Variants in KCNIP4 observed in about 807,000 individuals in gnomAD.
KCNIP4 encodes the protein Kv channel-interacting protein 4.
A neutral mutation model predicts 34.0 loss-of-function variants in KCNIP4; 12 were observed. That is an observed-to-expected ratio of 0.35 (90% CI 0.23 to 0.57). The LOEUF (loss-of-function observed/expected upper bound fraction) is 0.57, where lower values mean the gene tolerates loss of function less well. Ranked by LOEUF, KCNIP4 falls within the 20% of genes least tolerant of loss-of-function variation. The pLI, the probability that KCNIP4 is intolerant of heterozygous loss-of-function variation, is 0.83. For synonymous variants in KCNIP4, 124 were observed against 102.2 expected, an observed-to-expected ratio of 1.21 and a Z score of -1.29; for missense variants, 238 against 311.7, an observed-to-expected ratio of 0.76 and a Z score of 1.78.
chr4:21,434,890 A>G (rs1226892985), intron 1 of KCNIP4, among the ~76,000 whole-genome samples: 1 of 152,060 alleles, frequency 6.6e-6, no homozygotes, highest in African/African-American at 2.4e-5. Context: ...GGTGTTCTAG[A>G]TAAGTTACTG....
At chr4:21,299,726 A>T (rs28735547) in intron 1 of KCNIP4, among the ~76,000 whole-genome samples, 25,932 of 152,082 alleles carry the variant, frequency 0.17, 3,205 homozygotes, top group African/African-American at 0.34. Flanking sequence ...TTATTAAGCA[A>T]CATGGTCTGA....
At chr4:21,328,972 G>A (rs2109319013) in intron 1 of KCNIP4, among the ~76,000 whole-genome samples, 1 of 152,340 alleles carries the variant, frequency 6.6e-6, no homozygotes, top group African/African-American at 2.4e-5. Context: ...TCAGGGCAGT[G>A]GGCTCTAGCC....
chr4:21,116,782 A>G (rs1749712033), intron 1 of KCNIP4, among the ~76,000 whole-genome samples: 2 of 152,200 alleles, frequency 1.3e-5, no homozygotes, highest in African/African-American at 2.4e-5. Flanking sequence ...GAAACCAACA[A>G]TCGATGCCTT....
chr4:21,404,502 A>AT (rs1723808824), intron 1 of KCNIP4, among the ~76,000 whole-genome samples: 1 of 151,976 alleles, frequency 6.6e-6, no homozygotes, highest in Non-Finnish European at 1.5e-5. Context: ...GATTTTGAGT[A>AT]TTTTTTCTAT....
At chr4:21,857,613 T>C (rs1204287565) in intron 1 of KCNIP4, among the ~76,000 whole-genome samples, 3 of 152,060 alleles carry the variant, frequency 2.0e-5, no homozygotes, top group African/African-American at 7.2e-5. Context: ...CAGGACACCC[T>C]GCCTGAGGAA....
chr4:21,541,870 TGGG>T (rs1737727571), intron 1 of KCNIP4, among the ~76,000 whole-genome samples: 2 of 152,028 alleles, frequency 1.3e-5, no homozygotes, highest in Non-Finnish European at 2.9e-5. Flanking sequence ...CTTCAACTCC[TGGG>T]CTCAAGCAAT....
chr4:21,377,136 T>G (rs995484523), intron 1 of KCNIP4, among the ~76,000 whole-genome samples: 4 of 152,226 alleles, frequency 2.6e-5, no homozygotes, highest in African/African-American at 4.8e-5. Flanking sequence ...CAGAACTCGC[T>G]TAAGTAAGCT....
chr4:21,661,680 C>T (rs1395087016), intron 1 of KCNIP4, among the ~76,000 whole-genome samples: 1 of 152,124 alleles, frequency 6.6e-6, no homozygotes, highest in Non-Finnish European at 1.5e-5. Flanking sequence ...GACACTCATC[C>T]GATAGAAGAT....
chr4:21,690,477 G>A (rs1473766508), intron 1 of KCNIP4, among the ~76,000 whole-genome samples: 2 of 152,138 alleles, frequency 1.3e-5, no homozygotes, highest in Non-Finnish European at 2.9e-5. Flanking sequence ...GTTACTGACA[G>A]ATCTGATTGT....
chr4:20,960,021 ATAGAG>A (rs1733693995), intron 1 of KCNIP4, among the ~76,000 whole-genome samples: 1 of 152,204 alleles, frequency 6.6e-6, no homozygotes, highest in African/African-American at 2.4e-5. Flanking sequence ...AATATCAGGC[ATAGAG>A]TAGACAGACT....
chr4:21,655,826 G>T (rs918933938), intron 1 of KCNIP4, among the ~76,000 whole-genome samples: 12 of 152,082 alleles, frequency 7.9e-5, no homozygotes, highest in African/African-American at 2.9e-4. Context: ...ATAAATTTTT[G>T]CCCCAAATGT....
intron 3 of KCNIP4, among the ~76,000 whole-genome samples, chr4:20,839,321 T>C (rs760746940): frequency 2.6e-5 from 4 of 152,008 alleles, no homozygotes; most frequent in African/African-American, 7.2e-5. Context: ...TATAGAGATA[T>C]AGATCTATAG....
At chr4:21,148,754 A>T (rs1752562565) in intron 1 of KCNIP4, among the ~76,000 whole-genome samples, 1 of 152,040 alleles carries the variant, frequency 6.6e-6, no homozygotes, top group African/African-American at 2.4e-5. Context: ...CACAGCAAAT[A>T]ACAATTTATC....
chr4:20,899,922 T>G (rs1193528682), intron 1 of KCNIP4, among the ~76,000 whole-genome samples: 1 of 152,318 alleles, frequency 6.6e-6, no homozygotes, highest in African/African-American at 2.4e-5. Context: ...TGGAACTAAA[T>G]TTTTAATCCT....
chr4:21,563,001 CT>C (rs1328006318), intron 1 of KCNIP4, among the ~76,000 whole-genome samples: 1 of 151,928 alleles, frequency 6.6e-6, no homozygotes, highest in Non-Finnish European at 1.5e-5. Context: ...ATTGTAATTT[CT>C]CATTAATGTC....
chr4:21,485,325 A>G lies in KCNIP4; in HGVS notation c.61+463246T>C, dbSNP rs1203912980. Among the ~76,000 whole-genome samples, 5 of 152,286 alleles carry G rather than the reference A, an allele frequency of 3.3e-5. No individual in the cohort carries two copies. In the East Asian group the frequency reaches 9.6e-4, roughly 29 times the overall value. ...ATTACTACTCACTGCCTAATGTCCA[A>G]AATTCTTAACATGTCCTAGAATGGT... On this transcript the variant is annotated intron_variant, in intron 1 of 8. Transcript: ENST00000382152.
intron 1 of KCNIP4, among the ~76,000 whole-genome samples, chr4:21,306,980 AC>A (rs941573615): frequency 1.2e-4 from 18 of 151,896 alleles, no homozygotes; most frequent in African/African-American, 4.4e-4. Context: ...GCACCACCAC[AC>A]CCAGCTAATT....
At chr4:20,737,401 G>T (rs772805096) in intron 5 of KCNIP4, among the ~76,000 whole-genome samples, 1 of 152,116 alleles carries the variant, frequency 6.6e-6, no homozygotes, top group Non-Finnish European at 1.5e-5. Context: ...TTTTAATGAG[G>T]AGCACTTTGA....
chr4:21,709,352 A>G (rs1713537045), intron 1 of KCNIP4, among the ~76,000 whole-genome samples: 1 of 152,188 alleles, frequency 6.6e-6, no homozygotes, highest in Non-Finnish European at 1.5e-5. Context: ...AGTATTTGGA[A>G]ATGATGATTT....
Sources: allele counts gnomAD v4.1 joint callset (sites outside exome capture counted in the v4.1 genomes callset), GRCh38; gene constraint gnomAD v4.1.1; transcripts MANE v1.5; gene names NCBI Gene and HGNC (gene_info 2026-07-23, HGNC 2026-07-21).